The following CELF1 variants were observed in gnomAD, a reference collection of about 807,000 sequenced individuals.
CELF1 encodes CUGBP Elav-like family member 1.
CELF1 carries 10 observed loss-of-function variants against 61.8 expected under a neutral mutation model. That is an observed-to-expected ratio of 0.16 (90% confidence interval 0.10 to 0.27). The LOEUF (loss-of-function observed/expected upper bound fraction) is 0.27. Among genes scored for constraint, CELF1 ranks in the 10% least tolerant of loss-of-function variants. CELF1 has a pLI of 1.00. For missense variants in CELF1, 380 were observed against 639.1 expected, an observed-to-expected ratio of 0.59 and a Z score of 4.37; for synonymous variants, 236 against 225.1, an observed-to-expected ratio of 1.05 and a Z score of -0.43.
At chr11:47,511,908 G>A (rs1408394526) in intron 1 of CELF1, among the ~76,000 whole-genome samples, 1 of 152,252 alleles carries the variant, frequency 6.6e-6, no homozygotes, top group South Asian at 2.1e-4. Flanking sequence ...AAGTGAAGTG[G>A]CATGATCTCG....
intron 1 of CELF1, among the ~76,000 whole-genome samples, chr11:47,505,426 C>A (rs1442772198): frequency 6.6e-6 from 1 of 150,718 alleles, no homozygotes; most frequent in African/African-American, 2.4e-5. Flanking sequence ...GAGGTCAGAT[C>A]GAGACCACCC....
rs13377438 is a variant in CELF1 at position 47,473,367 on chromosome 11, G to C, written c.1274-136C>G. Reference sequence around the variant, plus strand: ...AGAGATTCATCTGGGGAACTAAACAGATTCTCTAAATACAAAGCAAGGAAC... The same window carrying C: ...AGAGATTCATCTGGGGAACTAAACACATTCTCTAAATACAAAGCAAGGAAC... On this transcript the variant is annotated intron_variant, in intron 13 of 14. Coordinates refer to ENST00000687097, the MANE Select transcript of CELF1 (RefSeq NM_001376376.1). 1.5e-3 allele frequency: 1,167 copies of C among 792,290 alleles called. 15 individuals are homozygous for C. In the African/African-American group the frequency reaches 0.019, roughly 13 times the overall value. The allele number at this position is 792,290 out of a possible 1,614,324, so 49.1% of individuals were successfully genotyped here.
At chr11:47,499,364 T>G (rs1169198536) in intron 3 of CELF1, 89 bp downstream of exon 3, 1 of 1,036,646 alleles carries the variant, frequency 9.6e-7, no homozygotes, top group Non-Finnish European at 1.4e-6. Context: ...TCTCTTCCCC[T>G]TCTTAAAAAA....
intron 1 of CELF1, among the ~76,000 whole-genome samples, chr11:47,521,039 TAGG>T (rs1233457287): frequency 6.6e-6 from 1 of 152,066 alleles, no homozygotes; most frequent in African/African-American, 2.4e-5. Flanking sequence ...ATCACGAAGT[TAGG>T]AGATCGAGTC....
At chr11:47,558,382 G>C (rs1383209144) in intron 2 of CELF1, among the ~76,000 whole-genome samples, 2 of 144,728 alleles carry the variant, frequency 1.4e-5, no homozygotes, top group Non-Finnish European at 3.0e-5. Context: ...TAAAATAATG[G>C]ATCTAGTCAA....
chr11:47,525,191 GCT>G (rs1020336427), intron 1 of CELF1, among the ~76,000 whole-genome samples: 9 of 152,104 alleles, frequency 5.9e-5, no homozygotes, highest in African/African-American at 2.2e-4. Context: ...TATGTTTTGA[GCT>G]CTTTTTTATT....
In CELF1 at chr11:47,541,753, AGAACGAAAGAAAGAAC is replaced by A. The variant is rs1565904627; in HGVS notation, c.-154+11223_-154+11238del. ...ACGAAAGAAAGAACGAAAGAAAGAA[AGAACGAAAGAAAGAAC>A]GAAAGAAAGAACGAAAGAAAGAACG... is the stretch of plus-strand genomic sequence containing the variant. On this transcript the variant is annotated intron_variant, in intron 1 of 14. Coordinates refer to ENST00000687097, the MANE Select transcript of CELF1 (RefSeq NM_001376376.1). 1.1e-3 allele frequency among the ~76,000 whole-genome samples: 16 copies of A among 14,586 alleles called. 1 individual carries two copies. Among genetic ancestry groups the A allele is most frequent in the African/African-American group, 2.3e-3 (13 of 5,774 alleles). 9.6% of individuals were successfully genotyped at this position (14,586 alleles called of 152,430 possible). A position where few individuals can be genotyped will look rare whatever the true frequency, so the allele number is the denominator to read the frequency against.
intron 1 of CELF1, among the ~76,000 whole-genome samples, chr11:47,509,430 T>C (rs918459930): frequency 2.0e-5 from 3 of 152,168 alleles, no homozygotes; most frequent in East Asian, 1.9e-4. Flanking sequence ...GGTATACACC[T>C]GTAGTCCTAG....
upstream of CELF1, among the ~76,000 whole-genome samples, chr11:47,557,360 A>G (rs1419011201): frequency 1.3e-5 from 2 of 149,746 alleles, no homozygotes; most frequent in Non-Finnish European, 3.0e-5. Flanking sequence ...CTGGGACTAC[A>G]GGCACATGCC....
intron 1 of CELF1, among the ~76,000 whole-genome samples, chr11:47,526,294 T>G (rs1005967278): frequency 1.3e-5 from 2 of 151,962 alleles, no homozygotes; most frequent in African/African-American, 4.8e-5. Context: ...CACTCCAGCT[T>G]AGGTAACAAG....
At chr11:47,509,651 G>A (rs1565856092) in intron 1 of CELF1, among the ~76,000 whole-genome samples, 1 of 152,176 alleles carries the variant, frequency 6.6e-6, no homozygotes, top group Non-Finnish European at 1.5e-5. Context: ...AGCACTTTGG[G>A]AGGCCGAGGC....
chr11:47,545,509 GTTA>G (rs1197705466), intron 1 of CELF1, among the ~76,000 whole-genome samples: 9 of 151,970 alleles, frequency 5.9e-5, no homozygotes, highest in Admixed American at 1.3e-4. Context: ...AATAACAAGA[GTTA>G]TTAAGAGGTT....
chr11:47,480,004 C>T (rs189421259), intron 9 of CELF1, among the ~76,000 whole-genome samples: 140 of 152,066 alleles, frequency 9.2e-4, no homozygotes, highest in African/African-American at 3.3e-3. Context: ...TAGAGCCTGG[C>T]TAACTCAAGT....
Position 47,469,426 on chromosome 11 carries a change from G to A in CELF1, c.*2804C>T, listed in dbSNP as rs2077208696. On this transcript the variant is annotated 3_prime_UTR_variant, in exon 15 of 15. Transcript: ENST00000687097. ...ATTCAAGGCAAATCAATTTCATGAT[G>A]TAACCCAAGTAAGAAACAAAACTAC... The A allele has an allele frequency of 6.6e-6, 1 of 152,292 alleles. No individual in the cohort carries two copies. The highest frequency in any genetic ancestry group is 1.5e-5 in the Non-Finnish European group (1 of 68,080). The allele number at this position is 152,292 out of a possible 1,614,324, so 9.4% of individuals were successfully genotyped here.
chr11:47,532,245 G>T (rs894648302), intron 1 of CELF1, among the ~76,000 whole-genome samples: 1 of 152,164 alleles, frequency 6.6e-6, no homozygotes, highest in Non-Finnish European at 1.5e-5. Context: ...GGCCAGGCTG[G>T]TGTCAAACTC....
At chr11:47,486,125 T>C (rs12786080) in intron 6 of CELF1, among the ~76,000 whole-genome samples, 21,962 of 21,966 alleles carry the variant, frequency 1, 10,979 homozygotes, top group Middle Eastern at 1. Flanking sequence ...CATGCCAGTG[T>C]ACTCCCGCCC....
intron 1 of CELF1, among the ~76,000 whole-genome samples, chr11:47,549,335 TG>T: frequency 6.6e-6 from 1 of 152,312 alleles, no homozygotes; most frequent in East Asian, 1.9e-4. Context: ...CCAAAACAAC[TG>T]ATATTGTTCC....
chr11:47,480,789 C>T (rs2082562320), intron 9 of CELF1, among the ~76,000 whole-genome samples: 2 of 152,142 alleles, frequency 1.3e-5, no homozygotes, highest in South Asian at 4.1e-4. Context: ...AATCCCAGAA[C>T]TTTGGGAGGG....
intron 1 of CELF1, among the ~76,000 whole-genome samples, chr11:47,537,085 G>A (rs1054177979): frequency 6.6e-6 from 1 of 152,152 alleles, no homozygotes; most frequent in African/African-American, 2.4e-5. Context: ...AGAAAGGCAA[G>A]AGTGCAGACT....
Sources: gnomAD v4.1 joint callset for allele counts (sites outside exome capture counted in the v4.1 genomes callset) on GRCh38, gnomAD v4.1.1 for gene constraint, MANE v1.5 for transcripts, NCBI Gene and HGNC (gene_info 2026-07-23, HGNC 2026-07-21) for gene names.